Variants in AP3B1 observed in about 807,000 individuals in gnomAD.
The protein encoded by AP3B1 is AP-3 complex subunit beta-1.
A neutral mutation model predicts 132.5 loss-of-function variants in AP3B1; 61 were observed. The observed-to-expected ratio is 0.46, with a 90% CI of 0.37 to 0.57. The LOEUF is 0.57. AP3B1 is among the 20% of genes least tolerant of loss of function. AP3B1 has a pLI of 0.00. For synonymous variants in AP3B1, 388 were observed against 438.3 expected (o/e 0.89, Z 1.43); for missense variants, 1,120 against 1,289.4 (o/e 0.87, Z 2.01).
At chr5:78,071,263 A>G (rs538840211) in intron 22 of AP3B1, among the ~76,000 whole-genome samples, 3 of 152,376 alleles carry the variant, frequency 2.0e-5, no homozygotes, top group Admixed American at 1.3e-4. Flanking sequence ...TCACAGGGAC[A>G]TGGCTGGAGC....
At chr5:78,027,419 T>G (rs1171009988) in intron 24 of AP3B1, among the ~76,000 whole-genome samples, 1 of 152,078 alleles carries the variant, frequency 6.6e-6, no homozygotes, top group East Asian at 1.9e-4. Context: ...TTGGTTCTTG[T>G]GTCAATATCA....
chr5:78,223,597 C>T (rs1746280553), intron 6 of AP3B1, among the ~76,000 whole-genome samples: 1 of 152,170 alleles, frequency 6.6e-6, no homozygotes, highest in South Asian at 2.1e-4. Context: ...CAATTTTACA[C>T]AGATATTGTA....
rs779085657 is a variant in AP3B1 at position 78,020,808 on chromosome 5, A to T, written c.2895-19T>A. The T allele has an allele frequency of 8.3e-6, 13 of 1,562,726 alleles. No homozygotes were observed. The Admixed American group carries it at 8.4e-5, about 10-fold the overall frequency. ...CTTGGTACTGAAGAAAAACAATCAA[A>T]GCTGACTAAATGCTTCATAAATAAA... On this transcript the variant is annotated intron_variant, in intron 24 of 26. Coordinates refer to ENST00000255194, the MANE Select transcript of AP3B1 (RefSeq NM_003664.5).
chr5:78,054,709 T>A (rs1184520597), intron 22 of AP3B1, among the ~76,000 whole-genome samples: 3 of 152,200 alleles, frequency 2.0e-5, no homozygotes, highest in Non-Finnish European at 2.9e-5. Flanking sequence ...GCCTTGCATT[T>A]AAGTGAATTG....
At chr5:78,200,974 A>G (rs1307219759) in intron 7 of AP3B1, among the ~76,000 whole-genome samples, 1 of 152,112 alleles carries the variant, frequency 6.6e-6, no homozygotes, top group East Asian at 1.9e-4. Context: ...CCCTAATACA[A>G]TGTGACTAGT....
chr5:78,084,566 GAGGAAA>G (rs1443054615), intron 22 of AP3B1, among the ~76,000 whole-genome samples: 1 of 132,706 alleles, frequency 7.5e-6, no homozygotes. Flanking sequence ...AGAAAAGGAA[GAGGAAA>G]AGGAAAAGGA....
chr5:78,263,679 A>G (rs1057200167), intron 2 of AP3B1, among the ~76,000 whole-genome samples: 3 of 152,148 alleles, frequency 2.0e-5, no homozygotes, highest in Non-Finnish European at 4.4e-5. Flanking sequence ...TCCTATTCCT[A>G]GTTTGTTGAG....
At chr5:78,165,718 C>T (rs777174334) in intron 11 of AP3B1, 46 bp from the exon 12 acceptor site, 2 of 1,306,054 alleles carry the variant, frequency 1.5e-6, no homozygotes, top group Admixed American at 1.8e-5. Context: ...ACAAAGGTAG[C>T]AAGATGAATT....
chr5:78,148,679 T>C (rs917787324), intron 14 of AP3B1, among the ~76,000 whole-genome samples: 1 of 152,222 alleles, frequency 6.6e-6, no homozygotes. Context: ...TCCTAGTCTA[T>C]TGCTATACAT....
At chr5:78,196,707 C>G (rs1359018582) in intron 7 of AP3B1, among the ~76,000 whole-genome samples, 8 of 152,078 alleles carry the variant, frequency 5.3e-5, no homozygotes, top group African/African-American at 1.9e-4. Flanking sequence ...AGCTAACAAG[C>G]TATGAAAAGA....
At chr5:78,137,604 A>G (rs956563257) in intron 15 of AP3B1, among the ~76,000 whole-genome samples, 1 of 152,166 alleles carries the variant, frequency 6.6e-6, no homozygotes, top group African/African-American at 2.4e-5. Flanking sequence ...CCTTCTTCTA[A>G]GTATGAATTT....
intron 26 of AP3B1, 121 bp downstream of exon 26, chr5:78,015,287 AGT>A: frequency 2.0e-6 from 2 of 1,020,360 alleles, no homozygotes; most frequent in South Asian, 1.5e-5. Context: ...AAAAAAAGGG[AGT>A]GTGTGTATAT....
intron 17 of AP3B1, among the ~76,000 whole-genome samples, chr5:78,124,002 A>G (rs1752351141): frequency 1.3e-5 from 2 of 152,054 alleles, no homozygotes; most frequent in African/African-American, 4.8e-5. Flanking sequence ...TATACACCAT[A>G]GAATACTATG....
chr5:78,222,805 TA>T (rs987551360), intron 6 of AP3B1, among the ~76,000 whole-genome samples: 7 of 150,696 alleles, frequency 4.6e-5, no homozygotes, highest in Admixed American at 2.0e-4. Context: ...TACCATACAT[TA>T]AAAAAAAGAT....
rs542624832 is a variant in AP3B1, at chr5:78,293,651, G to T, written c.128+801C>A. Among the ~76,000 whole-genome samples the T allele has an allele frequency of 5.5e-4, 83 of 152,106 alleles. 1 individual carries two copies. Among genetic ancestry groups the T allele is most frequent in the African/African-American group, 2.0e-3 (82 of 41,500 alleles). ...GTGACCCTATTGCTTAGTAATGAAA[G>T]ATTTAAAATAAGAGAAATGTAAAAA... On this transcript the variant is annotated intron_variant, in intron 1 of 26. Coordinates refer to ENST00000255194, the MANE Select transcript of AP3B1 (RefSeq NM_003664.5).
In AP3B1 at chr5:78,002,807, A is replaced by C; in HGVS notation, c.*95T>G. 2.1e-6 allele frequency: 3 copies of C among 1,398,862 alleles called. No individual in the cohort carries two copies. Among genetic ancestry groups the C allele is most frequent in the Non-Finnish European group, 3.0e-6 (3 of 983,914 alleles). 86.7% of individuals were successfully genotyped at this position (1,398,862 alleles called of 1,614,324 possible). On this transcript the variant is annotated 3_prime_UTR_variant, in exon 27 of 27. Coordinates refer to ENST00000255194, the MANE Select transcript of AP3B1 (RefSeq NM_003664.5). ...AAGAGTGTATTCTACCCCCACTGCC[A>C]GATGGAAGGGCTATTATTATAAATG...
intron 17 of AP3B1, among the ~76,000 whole-genome samples, chr5:78,117,610 T>A (rs1751914662): frequency 6.6e-6 from 1 of 152,152 alleles, no homozygotes; most frequent in South Asian, 2.1e-4. Context: ...ACGTCCAGCC[T>A]ATTTTGTTCA....
chr5:78,162,278 G>A (rs768776555), intron 13 of AP3B1, among the ~76,000 whole-genome samples: 12 of 151,952 alleles, frequency 7.9e-5, no homozygotes, highest in South Asian at 2.1e-4. Context: ...CAGTTTTACC[G>A]AACACTTAGA....
At chr5:78,207,682 C>G (rs891645355) in intron 7 of AP3B1, among the ~76,000 whole-genome samples, 2 of 151,814 alleles carry the variant, frequency 1.3e-5, no homozygotes, top group African/African-American at 4.8e-5. Context: ...TTCTCAAAGA[C>G]TTTTTAAACA....
Sources: allele counts gnomAD v4.1 joint callset (sites outside exome capture counted in the v4.1 genomes callset), GRCh38; gene constraint gnomAD v4.1.1; transcripts MANE v1.5; gene names NCBI Gene and HGNC (gene_info 2026-07-23, HGNC 2026-07-21).